The following A2M variants were observed in gnomAD, a reference collection of about 807,000 sequenced individuals.
A2M encodes C3 and PZP-like alpha-2-macroglobulin domain-containing protein 5.
Under a neutral mutation model 183.9 loss-of-function variants are expected in A2M, and 128 were observed. The observed-to-expected ratio is 0.70, with a 90% CI of 0.60 to 0.81. A2M has a LOEUF of 0.81. A2M is among the 30% of genes least tolerant of loss of function. The pLI, the probability that A2M is intolerant of heterozygous loss-of-function variation, is 0.00. For synonymous variants in A2M, 592 were observed against 670.8 expected (o/e 0.88, Z 1.81); for missense variants, 1,495 against 1,787.6 (o/e 0.84, Z 2.95).
At chr12:9,112,656 C>A in intron 2 of A2M, 120 bp from the exon 3 acceptor site, 1 of 1,100,268 alleles carries the variant, frequency 9.1e-7, no homozygotes, top group Non-Finnish European at 1.3e-6. Flanking sequence ...CCCTTGTTCT[C>A]AGCAGGGAAA....
chr12:9,084,617 G>A (rs1949001467), intron 22 of A2M, among the ~76,000 whole-genome samples: 1 of 151,876 alleles, frequency 6.6e-6, no homozygotes, highest in African/African-American at 2.4e-5. Flanking sequence ...CAGCAAAAGA[G>A]GAACAAAGAA....
Position 9,077,792 on chromosome 12 carries a change from T to A in A2M, c.3185A>T (p.His1062Leu), listed in dbSNP as rs759114757. 2 of 1,614,048 alleles carry A rather than the reference T, an allele frequency of 1.2e-6. No individual in the cohort carries two copies. The highest frequency in any genetic ancestry group is 3.3e-5 in the Admixed American group (2 of 59,996). ...ARAYIFIDEAHITQALIWLSQ... is the reference protein window; with the variant it reads ...ARAYIFIDEALITQALIWLSQ... ...GAGCCATATGAGGGCTTGGGTAATG[T>A]GTGCTTCATCGATGAAGATGTAGGC... The change falls in exon 26 of 36, where the codon CAC becomes CTC. Residue 1062 changes from histidine to leucine, a missense_variant. Coordinates refer to ENST00000318602, the MANE Select transcript of A2M (RefSeq NM_000014.6).
chr12:9,089,770 CAG>C (rs1949152699), intron 21 of A2M, 130 bp downstream of exon 21: 4 of 712,030 alleles, frequency 5.6e-6, no homozygotes, highest in Non-Finnish European at 7.9e-6. Flanking sequence ...CCCAACAAAA[CAG>C]AAAGTAAATC....
chr12:9,105,845 T>TA (rs1240813285), intron 10 of A2M, among the ~76,000 whole-genome samples: 1 of 152,212 alleles, frequency 6.6e-6, no homozygotes, highest in Non-Finnish European at 1.5e-5. Flanking sequence ...CATACAAAGT[T>TA]AGTGTTAGCA....
Position 9,104,398 on chromosome 12 carries a change from C to T in A2M, c.1107G>A (p.Val369=). 6.3e-7 allele frequency: 1 copy of T among 1,581,964 alleles called. No individual in the cohort carries two copies. The highest frequency in any genetic ancestry group is 8.6e-7 in the Non-Finnish European group (1 of 1,162,620). ...FRQGIPFFGQ[V]RLVDGKGVPI... ...GGACGCCTTTCCCATCTACTAGGCGCACCTGAAGATTAAAAGCTGTGGATT... is the reference window on the plus strand; with the variant it reads ...GGACGCCTTTCCCATCTACTAGGCGTACCTGAAGATTAAAAGCTGTGGATT... Residue 369 remains valine, a splice_region_variant and synonymous_variant, in exon 11 of 36, where the codon GTG becomes GTA. Transcript: ENST00000318602.
At position 9,109,330 on chromosome 12, in the gene A2M, A is replaced by C. The variant is rs1185213400; in HGVS notation, c.749T>G (p.Val250Gly). 6.2e-7 allele frequency: 1 copy of C among 1,611,852 alleles called. No individual in the cohort carries two copies. Among genetic ancestry groups the C allele is most frequent in the Admixed American group, 1.7e-5 (1 of 60,002 alleles). Reference protein sequence around the residue: ...TILEEEMNVSVCGLYTYGKPV... With the variant: ...TILEEEMNVSGCGLYTYGKPV... ...TAAAAAATGAACTCACAGGCCACAC[A>C]CTGATACATTCATCTCTTCTTCCAA... The change falls in exon 7 of 36, where the codon GTG becomes GGG. Residue 250 changes from valine to glycine, a missense_variant. Physicochemically the swap from Val to Gly is moderately radical, Grantham distance 109. Transcript: ENST00000318602.
intron 29 of A2M, 60 bp from the exon 30 acceptor site, chr12:9,072,931 A>C (rs773885230): frequency 2.8e-6 from 4 of 1,418,350 alleles, no homozygotes; most frequent in Admixed American, 4.1e-5. Context: ...GAGGGCTGAG[A>C]TATTTTTCAA....
At chr12:9,089,648 C>T (rs192939003) in intron 21 of A2M, among the ~76,000 whole-genome samples, 3 of 151,870 alleles carry the variant, frequency 2.0e-5, no homozygotes, top group Admixed American at 1.3e-4. Flanking sequence ...GGCTGAGGCA[C>T]GAGAATTGCT....
At chr12:9,068,158 T>C in intron 35 of A2M, 25 bp downstream of exon 35, 2 of 1,610,094 alleles carry the variant, frequency 1.2e-6, no homozygotes, top group Non-Finnish European at 1.7e-6. Flanking sequence ...TCTGACTGCC[T>C]TTTGGAGGAG....
chr12:9,076,439 CTCT>C (rs1358097802), intron 28 of A2M, among the ~76,000 whole-genome samples: 1 of 152,202 alleles, frequency 6.6e-6, no homozygotes, highest in African/African-American at 2.4e-5. Flanking sequence ...CCAGAGAATG[CTCT>C]TCTTACCAGC....
At chr12:9,103,208 G>T (rs1938022920) in intron 11 of A2M, among the ~76,000 whole-genome samples, 2 of 152,072 alleles carry the variant, frequency 1.3e-5, no homozygotes, top group African/African-American at 2.4e-5. Flanking sequence ...CAGTTAAAGG[G>T]GGCTTACTAA....
At chr12:9,075,138 TG>T (rs763398862) in intron 28 of A2M, among the ~76,000 whole-genome samples, 2 of 152,210 alleles carry the variant, frequency 1.3e-5, no homozygotes, top group African/African-American at 2.4e-5. Context: ...CTATAAAGTG[TG>T]TCTTTATCAG....
At position 9,107,591 on chromosome 12, in the gene A2M, T is replaced by A; in HGVS notation, c.812A>T (p.Lys271Met). 2 of 1,614,034 alleles carry A rather than the reference T, an allele frequency of 1.2e-6. No individual in the cohort carries two copies. The highest frequency in any genetic ancestry group is 1.7e-6 in the Non-Finnish European group (2 of 1,179,886). Reference sequence around the variant, plus strand: ...GTGGCAGTCGGAAGCGTCACTATACTTTCTGCAAATGCTCACAGTCACATG... The same window carrying A: ...GTGGCAGTCGGAAGCGTCACTATACATTCTGCAAATGCTCACAGTCACATG... ...PGHVTVSICR[K>M]YSDASDCHGE... is the part of the protein sequence containing the mutation. Residue 271 changes from lysine (K) to methionine (M), a missense_variant, in exon 8 of 36, where the codon AAG becomes ATG. Lys to Met is a moderately conservative substitution (Grantham distance 95). Coordinates refer to ENST00000318602, the MANE Select transcript of A2M (RefSeq NM_000014.6).
intron 11 of A2M, among the ~76,000 whole-genome samples, chr12:9,102,464 C>T (rs1378557742): frequency 6.6e-6 from 1 of 152,190 alleles, no homozygotes; most frequent in South Asian, 2.1e-4. Flanking sequence ...AATCCACCCA[C>T]CTCAGCCTCC....
chr12:9,092,800 G>C (rs970299876), intron 18 of A2M, among the ~76,000 whole-genome samples: 1 of 152,230 alleles, frequency 6.6e-6, no homozygotes, highest in African/African-American at 2.4e-5. Context: ...ACCTTGTAGA[G>C]ATATATGTGT....
intron 22 of A2M, among the ~76,000 whole-genome samples, chr12:9,082,457 C>T (rs958542771): frequency 3.9e-5 from 6 of 152,214 alleles, no homozygotes; most frequent in African/African-American, 1.4e-4. Context: ...AGAGCAAAGG[C>T]AGTGGCCCAG....
intron 22 of A2M, among the ~76,000 whole-genome samples, 200 bp downstream of exon 22, chr12:9,089,000 C>A (rs1325287872): frequency 1.3e-5 from 2 of 152,162 alleles, no homozygotes; most frequent in African/African-American, 4.8e-5. Context: ...TGCAAAAGAT[C>A]AAGACTCAGA....
At chr12:9,114,106 A>G (rs1024335276) in intron 1 of A2M, among the ~76,000 whole-genome samples, 1 of 152,178 alleles carries the variant, frequency 6.6e-6, no homozygotes, top group South Asian at 2.1e-4. Flanking sequence ...AGCAGCTAAT[A>G]AGGTCTTAAG....
intron 30 of A2M, 23 bp downstream of exon 30, chr12:9,072,630 C>T (rs1261712010): frequency 2.5e-6 from 4 of 1,612,468 alleles, no homozygotes; most frequent in Admixed American, 3.3e-5. Flanking sequence ...TCTGTCCTGT[C>T]CTCACCTGCC....
Sources: gnomAD v4.1 joint callset for allele counts (sites outside exome capture counted in the v4.1 genomes callset) on GRCh38, gnomAD v4.1.1 for gene constraint, MANE v1.5 for transcripts, NCBI Gene and HGNC (gene_info 2026-07-23, HGNC 2026-07-21) for gene names.